CMSS1: variants seen among roughly 807,000 people sequenced by gnomAD.
The protein encoded by CMSS1 is protein CMSS1.
In CMSS1, 33 loss-of-function variants were observed where a neutral mutation model predicts 43.5. The ratio of observed to expected loss-of-function variants is 0.76; its 90% CI spans 0.57 to 1.01. The LOEUF (loss-of-function observed/expected upper bound fraction) is 1.01, where lower values mean the gene tolerates loss of function less well. Among genes scored for constraint, CMSS1 ranks in the 50% least tolerant of loss-of-function variants. The probability of loss-of-function intolerance (pLI) is 0.00; values close to 1 mark genes in which losing one functional copy is unlikely to be tolerated. For missense variants in CMSS1, 313 were observed against 326.4 expected (o/e 0.96, Z 0.32); for synonymous variants, 115 against 117.2 (o/e 0.98, Z 0.12).
At chr3:100,079,624 T>A (rs1396434524) in intron 1 of CMSS1, among the ~76,000 whole-genome samples, 1 of 152,222 alleles carries the variant, frequency 6.6e-6, no homozygotes, top group Non-Finnish European at 1.5e-5. Context: ...GGAATCAGAA[T>A]CCTCTTTCAA....
chr3:99,933,390 T>C (rs1251376518), intron 1 of CMSS1, among the ~76,000 whole-genome samples: 1 of 152,166 alleles, frequency 6.6e-6, no homozygotes, highest in East Asian at 1.9e-4. Flanking sequence ...GGGATATTTT[T>C]GTGTAGGAAT....
intron 1 of CMSS1, among the ~76,000 whole-genome samples, chr3:99,957,632 G>A (rs1708360221): frequency 7.1e-6 from 1 of 141,794 alleles, no homozygotes; most frequent in South Asian, 2.4e-4. Context: ...TCAGCCGTCA[G>A]ACTGGAAATT....
intron 1 of CMSS1, among the ~76,000 whole-genome samples, chr3:99,959,758 G>A (rs535074801): frequency 9.2e-5 from 14 of 152,280 alleles, no homozygotes; most frequent in African/African-American, 3.1e-4. Flanking sequence ...GCTCCCAGAG[G>A]ACATGGGATA....
rs750574866 is a variant in CMSS1, at chr3:99,860,359, A to G, written c.64+42316A>G. On this transcript the variant is annotated intron_variant, in intron 1 of 9. Coordinates refer to ENST00000421999, the MANE Select transcript of CMSS1 (RefSeq NM_032359.4). ...TAAGATGGAAATAGTCAAATGACCCATTAATTATAAGGAGCTTGGTAGCTT... is the reference window on the plus strand; with the variant it reads ...TAAGATGGAAATAGTCAAATGACCCGTTAATTATAAGGAGCTTGGTAGCTT... Among the ~76,000 whole-genome samples the G allele has an allele frequency of 7.2e-5, 11 of 152,324 alleles. No individual in the cohort carries two copies. The East Asian group carries it at 9.6e-4, about 13-fold the overall frequency.
chr3:100,157,794 G>A (rs1416839334), intron 2 of CMSS1, among the ~76,000 whole-genome samples: 1 of 152,178 alleles, frequency 6.6e-6, no homozygotes, highest in Non-Finnish European at 1.5e-5. Context: ...ATAGTTGCTT[G>A]GCTACCAGGG....
intron 1 of CMSS1, among the ~76,000 whole-genome samples, chr3:100,129,212 A>G (rs1172027987): frequency 6.6e-6 from 1 of 152,192 alleles, no homozygotes; most frequent in Non-Finnish European, 1.5e-5. Flanking sequence ...AGTAAGAACC[A>G]CATCTTCTTC....
chr3:99,884,163 G>A (rs1049102803), intron 1 of CMSS1, among the ~76,000 whole-genome samples: 2 of 152,114 alleles, frequency 1.3e-5, no homozygotes, highest in African/African-American at 4.8e-5. Context: ...TATGCATATG[G>A]GAAAAGCTCA....
chr3:99,826,182 T>G (rs1436168406), intron 1 of CMSS1, among the ~76,000 whole-genome samples: 1 of 152,232 alleles, frequency 6.6e-6, no homozygotes, highest in Non-Finnish European at 1.5e-5. Flanking sequence ...GCTTGAAATA[T>G]AGTTTCCCCA....
intron 1 of CMSS1, among the ~76,000 whole-genome samples, chr3:99,991,593 C>G (rs992712372): frequency 6.6e-6 from 1 of 151,982 alleles, no homozygotes; most frequent in Non-Finnish European, 1.5e-5. Context: ...TTTCAACCCT[C>G]ACCCCCCTGC....
intron 1 of CMSS1, among the ~76,000 whole-genome samples, chr3:100,025,048 C>T (rs919145871): frequency 1.3e-5 from 2 of 152,176 alleles, no homozygotes. Flanking sequence ...TACTAATTAA[C>T]ACGCATTTTT....
At chr3:100,012,570 G>C (rs528589199) in intron 1 of CMSS1, among the ~76,000 whole-genome samples, 1 of 152,216 alleles carries the variant, frequency 6.6e-6, no homozygotes, top group Admixed American at 6.5e-5. Context: ...GGCTGGGAGA[G>C]GTTCTAGTGC....
intron 1 of CMSS1, among the ~76,000 whole-genome samples, chr3:99,979,685 A>T (rs1203270967): frequency 6.6e-6 from 1 of 152,230 alleles, no homozygotes; most frequent in Admixed American, 6.5e-5. Context: ...ATTAATTAAA[A>T]TACCATTAGC....
intron 3 of CMSS1, 34 bp downstream of exon 3, chr3:100,160,535 C>G: frequency 9.6e-7 from 1 of 1,046,072 alleles, no homozygotes; most frequent in Non-Finnish European, 1.5e-6. Flanking sequence ...TTGTATGGCC[C>G]CACATGGTTT....
In CMSS1 at chr3:100,179,161, C is replaced by T. The variant is rs1559781275; in HGVS notation, c.*773C>T. On this transcript the variant is annotated 3_prime_UTR_variant, in exon 10 of 10. Coordinates refer to ENST00000421999, the MANE Select transcript of CMSS1 (RefSeq NM_032359.4). The stretch of plus-strand genomic sequence containing the variant: ...AGTCACCTTCCACCAGGTCCCTCCC[C>T]CAACATTGGGAATTATAATTCAACA... 1 of 152,192 alleles carries T rather than the reference C, an allele frequency of 6.6e-6. No homozygotes were observed. Among genetic ancestry groups the T allele is most frequent in the Non-Finnish European group, 1.5e-5 (1 of 68,038 alleles). The allele number at this position is 152,192 out of a possible 1,614,324, so 9.4% of individuals were successfully genotyped here. A position where few individuals can be genotyped will look rare whatever the true frequency, so the allele number is the denominator to read the frequency against.
intron 1 of CMSS1, among the ~76,000 whole-genome samples, chr3:99,875,053 TGTTAAA>T (rs1202306888): frequency 1.3e-5 from 2 of 152,362 alleles, no homozygotes; most frequent in Middle Eastern, 3.4e-3. Flanking sequence ...GTCACATAGT[TGTTAAA>T]GTTTTATTTT....
At chr3:100,028,602 TAG>T (rs1324926496) in intron 1 of CMSS1, among the ~76,000 whole-genome samples, 5 of 152,198 alleles carry the variant, frequency 3.3e-5, no homozygotes, top group African/African-American at 7.2e-5. Context: ...TGTATTTACC[TAG>T]TAGGCACTTA....
chr3:100,016,784 T>A (rs934185322), intron 1 of CMSS1, among the ~76,000 whole-genome samples: 2 of 152,246 alleles, frequency 1.3e-5, no homozygotes, highest in Non-Finnish European at 2.9e-5. Context: ...TATAAACTTA[T>A]AAAGCAGACA....
At chr3:100,159,523 A>G (rs1327775082) in intron 2 of CMSS1, among the ~76,000 whole-genome samples, 1 of 152,244 alleles carries the variant, frequency 6.6e-6, no homozygotes, top group African/African-American at 2.4e-5. Context: ...TAAACTGAGT[A>G]TTCTCTGGTT....
chr3:100,166,338 C>T lies in CMSS1; in HGVS notation c.359C>T (p.Ser120Phe). The T allele has an allele frequency of 1.3e-6, 2 of 1,591,212 alleles. No individual in the cohort carries two copies. The highest frequency in any genetic ancestry group is 1.7e-6 in the Non-Finnish European group (2 of 1,159,630). Residue 120 changes from serine to phenylalanine, a missense_variant, in exon 5 of 10, where the codon TCC (serine) becomes TTC (phenylalanine). By Grantham distance (155) the Ser-to-Phe change is radical. Transcript: ENST00000421999. ...IELEELNLPD[S>F]CFLKANDLTH... ...AGCATGTTTATTATATTTCTAGACT[C>T]CTGTTTCCTCAAGGCCAATGATTTG...
Sources: allele counts gnomAD v4.1 joint callset (sites outside exome capture counted in the v4.1 genomes callset), GRCh38; gene constraint gnomAD v4.1.1; transcripts MANE v1.5; gene names NCBI Gene and HGNC (gene_info 2026-07-23, HGNC 2026-07-21).